ADCY1: variants seen among roughly 807,000 people sequenced by gnomAD.
ADCY1 encodes adenylate cyclase type 1.
Under a neutral mutation model 105.4 loss-of-function variants are expected in ADCY1, and 28 were observed. The ratio of observed to expected loss-of-function variants is 0.27; its 90% CI spans 0.20 to 0.36. The LOEUF is 0.36. Ranked by LOEUF, ADCY1 falls within the 10% of genes least tolerant of loss-of-function variation. The probability of loss-of-function intolerance (pLI) is 1.00; values close to 1 mark genes in which losing one functional copy is unlikely to be tolerated. For missense variants in ADCY1, 977 were observed against 1,434.2 expected, an observed-to-expected ratio of 0.68 and a Z score of 5.15; for synonymous variants, 655 against 623.8, an observed-to-expected ratio of 1.05 and a Z score of -0.75.
intron 2 of ADCY1, among the ~76,000 whole-genome samples, chr7:45,593,990 T>C (rs1023713860): frequency 2.0e-5 from 3 of 152,234 alleles, no homozygotes; most frequent in Non-Finnish European, 4.4e-5. Flanking sequence ...CCTGTGGAGA[T>C]GCATGTGTGG....
At position 45,575,702 on chromosome 7, in the gene ADCY1, C is replaced by A. The variant is rs888906344; in HGVS notation, c.639+520C>A. 6.6e-5 allele frequency among the ~76,000 whole-genome samples: 10 copies of A among 152,272 alleles called. No homozygotes were observed. Among genetic ancestry groups the A allele is most frequent in the African/African-American group, 2.4e-4 (10 of 41,476 alleles). ...GTGGTGGGAAAGGACTTCGGCTCTTCCAGCCTTGCTGGCCACCCTTCTGTG... is the reference window on the plus strand; with the variant it reads ...GTGGTGGGAAAGGACTTCGGCTCTTACAGCCTTGCTGGCCACCCTTCTGTG... On this transcript the variant is annotated intron_variant, in intron 1 of 19. Transcript: ENST00000297323. The surrounding 1 kb of genome is among the most constrained non-coding windows in gnomAD (Gnocchi z 4.7).
intron 4 of ADCY1, 91 bp from the exon 5 acceptor site, chr7:45,648,579 G>C: frequency 5.8e-6 from 9 of 1,546,748 alleles, no homozygotes; most frequent in Admixed American, 5.2e-5. Context: ...GCGCTCTGTG[G>C]CCACCAGTGT....
At chr7:45,650,573 C>T (rs1794783849) in intron 5 of ADCY1, among the ~76,000 whole-genome samples, 1 of 152,138 alleles carries the variant, frequency 6.6e-6, no homozygotes, top group Non-Finnish European at 1.5e-5. Context: ...GCTCGTGGAG[C>T]TGAACTGGAT....
intron 8 of ADCY1, 147 bp downstream of exon 8, chr7:45,662,361 G>A: frequency 4.3e-6 from 4 of 919,722 alleles, no homozygotes; most frequent in Non-Finnish European, 6.3e-6. Flanking sequence ...TCAGAGCTGA[G>A]CTACTTTTTA....
rs1584343629 is a variant in ADCY1 at position 45,703,860 on chromosome 7, G to C, written c.2718+114G>C. ...TTCTTCGTAGCTGGAATGAGAGAAA[G>C]CAAATCCCGGGAAGCACAGGCATTC... On this transcript the variant is annotated intron_variant, in intron 16 of 19. Transcript: ENST00000297323. The surrounding 1 kb of genome is among the most constrained non-coding windows in gnomAD (Gnocchi z 5.9). 2 of 1,403,758 alleles carry C rather than the reference G, an allele frequency of 1.4e-6. No individual in the cohort carries two copies. The highest frequency in any genetic ancestry group is 1.9e-6 in the Non-Finnish European group (2 of 1,046,226). The allele number at this position is 1,403,758 out of a possible 1,614,324, so 87.0% of individuals were successfully genotyped here.
chr7:45,711,644 T>TATATATATATATATAC (rs1189707139), intron 19 of ADCY1, among the ~76,000 whole-genome samples: 2 of 51,504 alleles, frequency 3.9e-5, no homozygotes, highest in African/African-American at 1.3e-4. Context: ...TATATATATA[T>TATATATATATATATAC]ACACACACAC....
At chr7:45,596,760 G>T (rs1793085815) in intron 2 of ADCY1, among the ~76,000 whole-genome samples, 1 of 152,224 alleles carries the variant, frequency 6.6e-6, no homozygotes, top group African/African-American at 2.4e-5. Flanking sequence ...ACCTCAGCTG[G>T]AAGGAGATGG....
At chr7:45,691,886 G>A (rs771440142) in intron 14 of ADCY1, among the ~76,000 whole-genome samples, 18 of 152,298 alleles carry the variant, frequency 1.2e-4, no homozygotes, top group Middle Eastern at 3.4e-3. Flanking sequence ...CTCCACACAT[G>A]TGACAGTGAC....
At chr7:45,664,423 G>A (rs1392102355) in intron 8 of ADCY1, 2 of 1,535,540 alleles carry the variant, frequency 1.3e-6, no homozygotes, top group African/African-American at 1.4e-5. Context: ...GCAAGGATGA[G>A]CTCCTGCCAT....
intron 14 of ADCY1, among the ~76,000 whole-genome samples, chr7:45,702,502 A>G (rs570466262): frequency 2.0e-4 from 30 of 152,368 alleles, no homozygotes; most frequent in African/African-American, 5.0e-4. Flanking sequence ...TGATGCCTCC[A>G]TAAATGCTGA....
chr7:45,606,018 G>A (rs1793363421), intron 2 of ADCY1, among the ~76,000 whole-genome samples: 1 of 152,188 alleles, frequency 6.6e-6, no homozygotes, highest in South Asian at 2.1e-4. Context: ...CTGCCAGGTG[G>A]GGTTAGAAGT....
intron 14 of ADCY1, among the ~76,000 whole-genome samples, chr7:45,701,129 C>T (rs1338592726): frequency 1.4e-4 from 21 of 152,116 alleles, no homozygotes; most frequent in Admixed American, 1.3e-3. Flanking sequence ...TGTGTGGTGC[C>T]CACTAATTCT....
chr7:45,699,258 C>T (rs936518134), intron 14 of ADCY1, among the ~76,000 whole-genome samples: 2 of 152,150 alleles, frequency 1.3e-5, no homozygotes, highest in African/African-American at 2.4e-5. Context: ...TACAGCTGGC[C>T]TCTGGAGCAC....
chr7:45,610,390 C>T lies in ADCY1; in HGVS notation c.801C>T (p.Leu267=). 4 of 1,613,776 alleles carry T rather than the reference C, an allele frequency of 2.5e-6. No individual in the cohort carries two copies. The highest frequency in any genetic ancestry group is 2.5e-6 in the Non-Finnish European group (3 of 1,179,934). Residue 267 remains leucine, a synonymous_variant, in exon 3 of 20, where the codon CTC becomes CTT. Transcript: ENST00000297323. ...EDENEKQERL[L]MSLLPRNVAM... The stretch of plus-strand genomic sequence containing the variant: ...TCTCTTCTGTCCAGGAGCGGCTCCT[C>T]ATGAGCCTCCTGCCCCGGAACGTTG...
At chr7:45,622,148 TC>T (rs1460297446) in intron 3 of ADCY1, among the ~76,000 whole-genome samples, 1 of 152,118 alleles carries the variant, frequency 6.6e-6, no homozygotes, top group African/African-American at 2.4e-5. Flanking sequence ...GGGGACTCCC[TC>T]CCTTTTCATT....
intron 8 of ADCY1, among the ~76,000 whole-genome samples, chr7:45,669,504 A>G (rs1366128540): frequency 2.0e-5 from 3 of 152,206 alleles, no homozygotes; most frequent in Non-Finnish European, 4.4e-5. Context: ...ACAGTTTGTT[A>G]TAATTTCAGT....
At chr7:45,619,503 T>C (rs1427636987) in intron 3 of ADCY1, among the ~76,000 whole-genome samples, 3 of 152,124 alleles carry the variant, frequency 2.0e-5, no homozygotes, top group Non-Finnish European at 2.9e-5. Flanking sequence ...TATGTGTCAG[T>C]TAATATATAT....
intron 6 of ADCY1, among the ~76,000 whole-genome samples, chr7:45,658,621 T>G (rs1274363028): frequency 1.3e-5 from 2 of 152,190 alleles, no homozygotes; most frequent in African/African-American, 4.8e-5. Flanking sequence ...AGAGCTGGTG[T>G]TTTCCTCTCC....
chr7:45,603,653 T>C (rs1793301866), intron 2 of ADCY1, among the ~76,000 whole-genome samples: 1 of 152,170 alleles, frequency 6.6e-6, no homozygotes, highest in African/African-American at 2.4e-5. Flanking sequence ...GGAACATCCG[T>C]CACCCTGAGG....
Sources: gnomAD v4.1 joint callset for allele counts (sites outside exome capture counted in the v4.1 genomes callset) on GRCh38, gnomAD v4.1.1 for gene constraint, Gnocchi (gnomAD v3.1) non-coding constraint, MANE v1.5 for transcripts, NCBI Gene and HGNC (gene_info 2026-07-23, HGNC 2026-07-21) for gene names.